Variants in BBS9 observed in about 807,000 individuals in gnomAD.
BBS9 encodes Bardet-Biedl syndrome 9.
In BBS9, 89 loss-of-function variants were observed where a neutral mutation model predicts 117.7. The observed-to-expected ratio is 0.76, with a 90% CI of 0.64 to 0.90. The LOEUF (loss-of-function observed/expected upper bound fraction) is 0.90. BBS9 is among the 40% of genes least tolerant of loss of function. BBS9 has a pLI of 0.00. For missense variants in BBS9, 982 were observed against 1,042.2 expected (o/e 0.94, Z 0.80); for synonymous variants, 379 against 370.9 (o/e 1.02, Z -0.25).
At chr7:33,369,407 G>T (rs989319860) in intron 17 of BBS9, among the ~76,000 whole-genome samples, 2 of 152,070 alleles carry the variant, frequency 1.3e-5, no homozygotes, top group Non-Finnish European at 2.9e-5. Context: ...CCCTGATGTT[G>T]CCCACGATTA....
At chr7:33,478,134 G>A (rs1410863775) in intron 19 of BBS9, among the ~76,000 whole-genome samples, 1 of 152,170 alleles carries the variant, frequency 6.6e-6, no homozygotes, top group Non-Finnish European at 1.5e-5. Flanking sequence ...CATTAAATAT[G>A]AAAGAGGTGA....
chr7:33,605,500 G>C lies in BBS9; in HGVS notation c.*274G>C. 1 of 488,422 alleles carries C rather than the reference G, an allele frequency of 2.0e-6. No homozygotes were observed. The allele number at this position is 488,422 out of a possible 1,614,324, so 30.3% of individuals were successfully genotyped here. On this transcript the variant is annotated 3_prime_UTR_variant, in exon 23 of 23. Coordinates refer to ENST00000242067, the MANE Select transcript of BBS9 (RefSeq NM_198428.3). ...TCTGCTAATAGTCACAGAATACAGT[G>C]AAATGACATAGTTTTGGGTTAGATT...
At chr7:33,378,058 T>C (rs933316288) in intron 17 of BBS9, among the ~76,000 whole-genome samples, 6 of 152,206 alleles carry the variant, frequency 3.9e-5, no homozygotes, top group Non-Finnish European at 7.3e-5. Context: ...TTTTGGCTGC[T>C]TGTATTATTT....
At chr7:33,221,564 T>G (rs1790250682) in intron 5 of BBS9, among the ~76,000 whole-genome samples, 1 of 152,218 alleles carries the variant, frequency 6.6e-6, no homozygotes, top group Non-Finnish European at 1.5e-5. Context: ...ACAATTCCCT[T>G]GCTTTTAAGT....
chr7:33,402,460 A>G (rs531068433), intron 19 of BBS9, among the ~76,000 whole-genome samples: 31 of 152,308 alleles, frequency 2.0e-4, no homozygotes, highest in Admixed American at 3.9e-4. Context: ...ATCCAATTTT[A>G]AACATCACCA....
chr7:33,141,729 C>T (rs1791495315), intron 1 of BBS9, among the ~76,000 whole-genome samples: 1 of 152,032 alleles, frequency 6.6e-6, no homozygotes, highest in South Asian at 2.1e-4. Flanking sequence ...AAATTAATCC[C>T]AAAGAAATTG....
intron 5 of BBS9, among the ~76,000 whole-genome samples, chr7:33,254,105 C>T (rs1796646400): frequency 6.6e-6 from 1 of 152,106 alleles, no homozygotes; most frequent in Non-Finnish European, 1.5e-5. Flanking sequence ...TAACTGAGCC[C>T]AGACAGATGT....
At chr7:33,456,176 T>C (rs537190155) in intron 19 of BBS9, among the ~76,000 whole-genome samples, 117 of 152,296 alleles carry the variant, frequency 7.7e-4, no homozygotes, top group Non-Finnish European at 1.6e-3. Flanking sequence ...GGACTGAGTG[T>C]CTTGGAACTG....
chr7:33,540,240 A>G (rs1279286604), intron 21 of BBS9, among the ~76,000 whole-genome samples: 2 of 152,224 alleles, frequency 1.3e-5, no homozygotes, highest in Admixed American at 1.3e-4. Context: ...GAGAGAAGAA[A>G]TAGATTCCCT....
intron 21 of BBS9, among the ~76,000 whole-genome samples, chr7:33,569,171 T>C (rs1857372969): frequency 6.6e-6 from 1 of 152,194 alleles, no homozygotes; most frequent in African/African-American, 2.4e-5. Flanking sequence ...AAAGCACTAA[T>C]CTGGGTATTT....
chr7:33,235,854 T>C (rs1413482868), intron 5 of BBS9, among the ~76,000 whole-genome samples: 4 of 152,218 alleles, frequency 2.6e-5, no homozygotes, highest in Non-Finnish European at 5.9e-5. Context: ...ATTTTATATA[T>C]TTTTAAAATT....
intron 19 of BBS9, among the ~76,000 whole-genome samples, chr7:33,456,155 CAGAG>C (rs750561283): frequency 1.2e-4 from 18 of 152,184 alleles, no homozygotes; most frequent in Admixed American, 2.6e-4. Flanking sequence ...TTATAGTACA[CAGAG>C]GGATGGGGAC....
intron 19 of BBS9, among the ~76,000 whole-genome samples, chr7:33,397,964 C>T (rs940945959): frequency 2.0e-5 from 3 of 151,668 alleles, no homozygotes; most frequent in Non-Finnish European, 4.4e-5. Context: ...GCACATGTAC[C>T]CTTGAACTTA....
chr7:33,200,463 T>C (rs896473073), intron 5 of BBS9, among the ~76,000 whole-genome samples: 1 of 152,212 alleles, frequency 6.6e-6, no homozygotes, highest in African/African-American at 2.4e-5. Context: ...GTTTGAATTA[T>C]GTAAATATTA....
At chr7:33,225,440 CCTT>C (rs780866177) in intron 5 of BBS9, among the ~76,000 whole-genome samples, 6 of 152,244 alleles carry the variant, frequency 3.9e-5, no homozygotes, top group African/African-American at 4.8e-5. Context: ...CTCAAGCAGT[CCTT>C]CTACCTTGGC....
chr7:33,341,667 A>G (rs1046049371), intron 11 of BBS9, among the ~76,000 whole-genome samples: 47 of 152,128 alleles, frequency 3.1e-4, no homozygotes, highest in African/African-American at 1.1e-3. Flanking sequence ...CATTATGATT[A>G]TCACAACCAT....
intron 8 of BBS9, 95 bp downstream of exon 8, chr7:33,273,290 T>C: frequency 1.6e-6 from 2 of 1,270,780 alleles, no homozygotes; most frequent in Non-Finnish European, 2.3e-6. Context: ...TGTAAACATA[T>C]ATGAAAACAG....
intron 17 of BBS9, among the ~76,000 whole-genome samples, chr7:33,378,733 TAGCCCAC>T (rs1331740723): frequency 2.0e-5 from 3 of 152,204 alleles, no homozygotes; most frequent in Non-Finnish European, 2.9e-5. Flanking sequence ...CTTTCTTGGT[TAGCCCAC>T]AGCATCCCCC....
At chr7:33,292,664 A>C (rs1584139262) in intron 9 of BBS9, among the ~76,000 whole-genome samples, 2 of 152,252 alleles carry the variant, frequency 1.3e-5, no homozygotes, top group Admixed American at 1.3e-4. Context: ...TGTATGCATA[A>C]ATAATATTTG....
Sources: gnomAD v4.1 joint callset for allele counts (sites outside exome capture counted in the v4.1 genomes callset) on GRCh38, gnomAD v4.1.1 for gene constraint, MANE v1.5 for transcripts, NCBI Gene and HGNC (gene_info 2026-07-23, HGNC 2026-07-21) for gene names.